The following PRDM16 variants were observed in gnomAD, a reference collection of about 807,000 sequenced individuals.
PRDM16 encodes the protein PR/SET domain 16, also known as histone-lysine N-methyltransferase PRDM16.
PRDM16 carries 23 observed loss-of-function variants against 110.6 expected under a neutral mutation model. The ratio of observed to expected loss-of-function variants is 0.21; its 90% CI spans 0.15 to 0.29. PRDM16 has a LOEUF of 0.29. PRDM16 is among the 10% of genes least tolerant of loss of function. The pLI, the probability that PRDM16 is intolerant of heterozygous loss-of-function variation, is 1.00. For missense variants in PRDM16, 1,615 were observed against 1,794.3 expected, an observed-to-expected ratio of 0.90 and a Z score of 1.81; for synonymous variants, 799 against 781.8, an observed-to-expected ratio of 1.02 and a Z score of -0.37.
intron 3 of PRDM16, among the ~76,000 whole-genome samples, chr1:3,261,142 A>G (rs1640156617): frequency 6.7e-6 from 1 of 148,942 alleles, no homozygotes. Flanking sequence ...AAAAAAAAAA[A>G]CAGGAAGAGG....
At chr1:3,332,395 TG>T (rs1343937577) in intron 3 of PRDM16, among the ~76,000 whole-genome samples, 7 of 19,278 alleles carry the variant, frequency 3.6e-4, no homozygotes, top group Non-Finnish European at 5.5e-4. Context: ...GTGTGGGCAG[TG>T]GGGGGCTCGG....
intron 3 of PRDM16, among the ~76,000 whole-genome samples, chr1:3,297,347 G>C (rs748507730): frequency 1.4e-5 from 2 of 147,024 alleles, no homozygotes; most frequent in South Asian, 4.2e-4. Flanking sequence ...GCAATGGCGC[G>C]ATCTTGGCTC....
intron 3 of PRDM16, among the ~76,000 whole-genome samples, chr1:3,344,419 C>T (rs1323671733): frequency 6.6e-6 from 1 of 152,146 alleles, no homozygotes; most frequent in African/African-American, 2.4e-5. Context: ...TCCCTGTTGG[C>T]ATTTCCCCTC....
chr1:3,083,595 C>CGGG (rs1553121751), intron 1 of PRDM16, among the ~76,000 whole-genome samples: 1 of 148,280 alleles, frequency 6.7e-6, no homozygotes, highest in South Asian at 2.2e-4. Context: ...CGCCTGCTGT[C>CGGG]AGGGGAGGCG....
intron 1 of PRDM16, among the ~76,000 whole-genome samples, chr1:3,185,783 C>A (rs1436942093): frequency 6.6e-6 from 1 of 152,252 alleles, no homozygotes; most frequent in Non-Finnish European, 1.5e-5. Flanking sequence ...GCAGCTCCTT[C>A]CCTAGTTCCC....
chr1:3,348,353 C>G (rs536512459), intron 3 of PRDM16, among the ~76,000 whole-genome samples: 2 of 152,326 alleles, frequency 1.3e-5, no homozygotes, highest in Non-Finnish European at 2.9e-5. Flanking sequence ...CTGGCCAGGT[C>G]ACTCGTTAGT....
rs573222080 is a variant in PRDM16 at position 3,098,179 on chromosome 1, A to G, written c.37+28883A>G. Among the ~76,000 whole-genome samples, 201 of 152,242 alleles carry G rather than the reference A, an allele frequency of 1.3e-3. 1 individual carries two copies. The highest frequency in any genetic ancestry group is 4.6e-3 in the African/African-American group (191 of 41,522). ...CTCTGCAGGTGAGAAGCTCCCAGTC[A>G]AGGGCCCTGAGAGTCCCTCCAGGCT... On this transcript the variant is annotated intron_variant, in intron 1 of 16. Transcript: ENST00000270722.
At chr1:3,277,774 C>A (rs1353788842) in intron 3 of PRDM16, among the ~76,000 whole-genome samples, 2 of 111,238 alleles carry the variant, frequency 1.8e-5, no homozygotes, top group Non-Finnish European at 1.7e-5. Flanking sequence ...CGCGCACACA[C>A]ACGCACACAT....
rs1317348871 is a variant in PRDM16 at position 3,321,573 on chromosome 1, AGT to A, written c.439-63576_439-63575del. Among the ~76,000 whole-genome samples, 11 of 144,684 alleles carry A rather than the reference AGT, an allele frequency of 7.6e-5. No homozygotes were observed. In the East Asian group the frequency reaches 1.6e-3, roughly 20 times the overall value. 94.9% of individuals were successfully genotyped at this position (144,684 alleles called of 152,430 possible). On this transcript the variant is annotated intron_variant, in intron 3 of 16. Coordinates refer to ENST00000270722, the MANE Select transcript of PRDM16 (RefSeq NM_022114.4). Reference sequence around the variant, plus strand: ...GTGTGTGAGTGCAAATGTGTGTGAGAGTGTTTGGAGGTCACGTTTCTGGGGGG... The same window carrying A: ...GTGTGTGAGTGCAAATGTGTGTGAGAGTTTGGAGGTCACGTTTCTGGGGGG...
intron 1 of PRDM16, among the ~76,000 whole-genome samples, chr1:3,106,233 G>A (rs1408996680): frequency 1.3e-5 from 2 of 152,272 alleles, no homozygotes; most frequent in African/African-American, 4.8e-5. Flanking sequence ...CAGGTCTGCA[G>A]AGAACACCTG....
At chr1:3,313,189 G>T (rs1393383815) in intron 3 of PRDM16, among the ~76,000 whole-genome samples, 1 of 152,232 alleles carries the variant, frequency 6.6e-6, no homozygotes, top group Non-Finnish European at 1.5e-5. Context: ...TCATCCACAG[G>T]CCGGCTGCCC....
At position 3,283,190 on chromosome 1, in the gene PRDM16, C is replaced by A. The variant is rs189031825; in HGVS notation, c.438+39053C>A. ...AGCCAGCCCCTCGTCACCTTCCCTCCTGCTTGGGCTCCACAGCATATCCCA... is the reference window on the plus strand; with the variant it reads ...AGCCAGCCCCTCGTCACCTTCCCTCATGCTTGGGCTCCACAGCATATCCCA... On this transcript the variant is annotated intron_variant, in intron 3 of 16. Transcript: ENST00000270722. Among the ~76,000 whole-genome samples, 289 of 152,282 alleles carry A rather than the reference C, an allele frequency of 1.9e-3. 1 individual carries two copies. The highest frequency in any genetic ancestry group is 0.017 in the Admixed American group (263 of 15,302).
chr1:3,240,319 T>C (rs1208440817), intron 2 of PRDM16, among the ~76,000 whole-genome samples: 1 of 148,280 alleles, frequency 6.7e-6, no homozygotes, highest in Non-Finnish European at 1.5e-5. Context: ...GAGGCTGAGT[T>C]GAGAGGATCG....
chr1:3,428,726 C>T (rs756762171), intron 14 of PRDM16, among the ~76,000 whole-genome samples: 7 of 152,206 alleles, frequency 4.6e-5, no homozygotes, highest in East Asian at 1.9e-4. Flanking sequence ...CCTGCAGCCC[C>T]GTGAACCCCT....
At chr1:3,378,658 G>A (rs1643039119) in intron 3 of PRDM16, among the ~76,000 whole-genome samples, 1 of 152,124 alleles carries the variant, frequency 6.6e-6, no homozygotes, top group African/African-American at 2.4e-5. Context: ...ATGGCCCTGA[G>A]TGCACAGAGA....
intron 12 of PRDM16, among the ~76,000 whole-genome samples, chr1:3,420,151 G>A (rs565480321): frequency 4.6e-5 from 7 of 152,302 alleles, no homozygotes; most frequent in Admixed American, 4.6e-4. Flanking sequence ...CAATCTGTGA[G>A]TTTCGACTTT....
intron 1 of PRDM16, among the ~76,000 whole-genome samples, chr1:3,181,736 ACACACGGAGTCTTACACACG>A (rs1644202646): frequency 6.8e-6 from 1 of 146,604 alleles, no homozygotes; most frequent in East Asian, 2.0e-4. Context: ...ACACGGTCTT[ACACACGGAGTCTTACACACG>A]GTCTTACACA....
chr1:3,085,921 G>T (rs975104510), intron 1 of PRDM16, among the ~76,000 whole-genome samples: 1 of 152,262 alleles, frequency 6.6e-6, no homozygotes, highest in African/African-American at 2.4e-5. Context: ...AGCCCTGAGA[G>T]TTGGTGCCCC....
intron 4 of PRDM16, among the ~76,000 whole-genome samples, chr1:3,393,360 G>A (rs1006947942): frequency 7.9e-5 from 12 of 152,218 alleles, no homozygotes; most frequent in Non-Finnish European, 1.8e-4. Context: ...AGAGACTCCA[G>A]ACTTTATTTT....
Sources: gnomAD v4.1 joint callset for allele counts (sites outside exome capture counted in the v4.1 genomes callset) on GRCh38, gnomAD v4.1.1 for gene constraint, MANE v1.5 for transcripts, NCBI Gene and HGNC (gene_info 2026-07-23, HGNC 2026-07-21) for gene names.